Variants in MBD5 observed in about 807,000 individuals in gnomAD.
MBD5 encodes methyl-CpG binding domain protein 5.
In MBD5, 13 loss-of-function variants were observed where a neutral mutation model predicts 117.3. That is an observed-to-expected ratio of 0.11 (90% CI 0.07 to 0.18). The LOEUF (loss-of-function observed/expected upper bound fraction) is 0.18, where lower values mean the gene tolerates loss of function less well. Ranked by LOEUF, MBD5 falls within the 10% of genes least tolerant of loss-of-function variation. The pLI, the probability that MBD5 is intolerant of heterozygous loss-of-function variation, is 1.00. For missense variants in MBD5, 1,879 were observed against 2,093.8 expected (o/e 0.90, Z 2.00); for synonymous variants, 727 against 766.4 (o/e 0.95, Z 0.85).
At chr2:148,189,396 C>T (rs1698771762) in intron 2 of MBD5, among the ~76,000 whole-genome samples, 1 of 150,812 alleles carries the variant, frequency 6.6e-6, no homozygotes, top group South Asian at 2.1e-4. Flanking sequence ...TCCCAGCACA[C>T]AGCTGGAGAT....
chr2:148,191,018 A>G (rs1290076573), intron 2 of MBD5, among the ~76,000 whole-genome samples: 1 of 149,900 alleles, frequency 6.7e-6, no homozygotes, highest in Non-Finnish European at 1.5e-5. Flanking sequence ...GAAGGCCATT[A>G]CATAATGGTA....
intron 4 of MBD5, among the ~76,000 whole-genome samples, chr2:148,397,254 T>C (rs13026304): frequency 0.4 from 60,938 of 151,492 alleles, 12,886 homozygotes; most frequent in East Asian, 0.65. Context: ...CGTGATTATA[T>C]TTGGCTTTAT....
chr2:148,101,519 T>C (rs377545525), intron 1 of MBD5, among the ~76,000 whole-genome samples: 2 of 152,246 alleles, frequency 1.3e-5, no homozygotes, highest in African/African-American at 2.4e-5. Flanking sequence ...TTAATTAAAA[T>C]AGTGATAAAA....
At chr2:148,163,921 A>G (rs1190828409) in intron 1 of MBD5, among the ~76,000 whole-genome samples, 1 of 152,216 alleles carries the variant, frequency 6.6e-6, no homozygotes, top group African/African-American at 2.4e-5. Context: ...GGGAAAATGC[A>G]TTCTAATTAC....
At chr2:148,141,679 G>C (rs1446241138) in intron 1 of MBD5, among the ~76,000 whole-genome samples, 1 of 152,004 alleles carries the variant, frequency 6.6e-6, no homozygotes, top group African/African-American at 2.4e-5. Context: ...TATTGTCCCA[G>C]CTACCCAAGA....
At position 148,168,010 on chromosome 2, in the gene MBD5, C is replaced by T. The variant is rs77438787; in HGVS notation, c.-924-10690C>T. ...GACCTTTTAAAAAAATCATGATACCCTGTTAAGTACTTATTGGTTTCTTTT... is the reference window on the plus strand; with the variant it reads ...GACCTTTTAAAAAAATCATGATACCTTGTTAAGTACTTATTGGTTTCTTTT... On this transcript the variant is annotated intron_variant, in intron 1 of 13. Transcript: ENST00000642680. 1.2e-3 allele frequency among the ~76,000 whole-genome samples: 186 copies of T among 152,248 alleles called. 3 individuals carry two copies. In the East Asian group the frequency reaches 0.034, roughly 28 times the overall value.
At chr2:148,267,746 A>G (rs914976022) in intron 3 of MBD5, among the ~76,000 whole-genome samples, 2 of 118,480 alleles carry the variant, frequency 1.7e-5, no homozygotes, top group African/African-American at 6.4e-5. Flanking sequence ...TCTTTAATCC[A>G]CCTGGTTTTG....
chr2:148,093,359 T>G (rs1695989093), intron 1 of MBD5, among the ~76,000 whole-genome samples: 2 of 152,244 alleles, frequency 1.3e-5, no homozygotes, highest in Admixed American at 1.3e-4. Context: ...GAGACTTTGC[T>G]GTTATTTTGA....
intron 3 of MBD5, among the ~76,000 whole-genome samples, chr2:148,292,077 A>G (rs1318012705): frequency 6.6e-6 from 1 of 152,252 alleles, no homozygotes; most frequent in Non-Finnish European, 1.5e-5. Context: ...AAATACATTA[A>G]AGACTTACAT....
At chr2:148,049,129 G>T (rs1438881709) in intron 1 of MBD5, among the ~76,000 whole-genome samples, 1 of 152,150 alleles carries the variant, frequency 6.6e-6, no homozygotes, top group Non-Finnish European at 1.5e-5. Flanking sequence ...AACATGTGAT[G>T]GATTGACTGG....
intron 10 of MBD5, among the ~76,000 whole-genome samples, chr2:148,489,049 A>C (rs1332758287): frequency 2.0e-5 from 3 of 152,224 alleles, no homozygotes; most frequent in Non-Finnish European, 4.4e-5. Flanking sequence ...AATTGCAAAG[A>C]CCTGTAATGA....
chr2:148,405,388 A>G (rs1705044752), intron 4 of MBD5, among the ~76,000 whole-genome samples: 1 of 152,232 alleles, frequency 6.6e-6, no homozygotes, highest in African/African-American at 2.4e-5. Flanking sequence ...TAAGTAAGAT[A>G]CTTCTGAGTA....
rs183770040 is a variant in MBD5 at position 148,067,378 on chromosome 2, G to A, written c.-925+45694G>A. On this transcript the variant is annotated intron_variant, in intron 1 of 13. Coordinates refer to ENST00000642680, the MANE Select transcript of MBD5 (RefSeq NM_001378120.1). ...TAATTGATTTTCTTTACAAATTATCGTTAGACATAGAGCAAGCTAAACAAA... is the reference window on the plus strand; with the variant it reads ...TAATTGATTTTCTTTACAAATTATCATTAGACATAGAGCAAGCTAAACAAA... Among the ~76,000 whole-genome samples, 6 of 152,098 alleles carry A rather than the reference G, an allele frequency of 3.9e-5. No individual in the cohort carries two copies. The East Asian group carries it at 5.8e-4, about 15-fold the overall frequency.
In MBD5 at chr2:148,343,901, G is replaced by A. The variant is rs927634387; in HGVS notation, c.-557+1565G>A. 4.6e-5 allele frequency among the ~76,000 whole-genome samples: 7 copies of A among 152,070 alleles called. No individual in the cohort carries two copies. The South Asian group carries it at 6.2e-4, about 14-fold the overall frequency. On this transcript the variant is annotated intron_variant, in intron 4 of 13. Transcript: ENST00000642680. ...CTTTCCTAAGGCCCATGTCCAGAAC[G>A]GTGTTTACTGGGTTTTCTTCTACCA...
chr2:148,134,199 TGATA>T (rs1009910779), intron 1 of MBD5, among the ~76,000 whole-genome samples: 41 of 147,152 alleles, frequency 2.8e-4, no homozygotes, highest in African/African-American at 1.0e-3. Context: ...GATAGATGAT[TGATA>T]GATAGATGAC....
intron 1 of MBD5, among the ~76,000 whole-genome samples, chr2:148,139,845 G>A (rs1478739326): frequency 6.6e-6 from 1 of 152,100 alleles, no homozygotes; most frequent in Non-Finnish European, 1.5e-5. Context: ...AACATATCCT[G>A]TTCACCTCTC....
chr2:148,385,807 G>T (rs1704337753), intron 4 of MBD5, among the ~76,000 whole-genome samples: 1 of 151,698 alleles, frequency 6.6e-6, no homozygotes, highest in Non-Finnish European at 1.5e-5. Flanking sequence ...CATGTCCTTA[G>T]TAGGGACATG....
intron 12 of MBD5, among the ~76,000 whole-genome samples, chr2:148,507,549 G>A (rs1156916078): frequency 6.6e-6 from 1 of 151,418 alleles, no homozygotes; most frequent in Non-Finnish European, 1.5e-5. Context: ...CACGAGGTCA[G>A]GAGATCGAGA....
At chr2:148,089,441 T>C (rs1448968642) in intron 1 of MBD5, among the ~76,000 whole-genome samples, 1 of 152,086 alleles carries the variant, frequency 6.6e-6, no homozygotes, top group Non-Finnish European at 1.5e-5. Context: ...GACCATACGA[T>C]AGACCACAAA....
Sources: gnomAD v4.1 joint callset for allele counts (sites outside exome capture counted in the v4.1 genomes callset) on GRCh38, gnomAD v4.1.1 for gene constraint, MANE v1.5 for transcripts, NCBI Gene and HGNC (gene_info 2026-07-23, HGNC 2026-07-21) for gene names.